LPIN3: variants seen among roughly 807,000 people sequenced by gnomAD.
LPIN3 encodes the protein lipin 3.
LPIN3 carries 82 observed loss-of-function variants against 94.7 expected under a neutral mutation model. That is an observed-to-expected ratio of 0.87 (90% CI 0.72 to 1.04). The LOEUF (loss-of-function observed/expected upper bound fraction) is 1.04, where lower values mean the gene tolerates loss of function less well. Among genes scored for constraint, LPIN3 ranks in the 50% least tolerant of loss-of-function variants. The pLI is 0.00. For missense variants in LPIN3, 996 were observed against 1,090.5 expected (o/e 0.91, Z 1.22); for synonymous variants, 418 against 443.3 (o/e 0.94, Z 0.72).
At chr20:41,349,280 T>C in intron 5 of LPIN3, 108 bp downstream of exon 5, 1 of 893,888 alleles carries the variant, frequency 1.1e-6, no homozygotes, top group Non-Finnish European at 1.7e-6. Flanking sequence ...ATGTGTTTAC[T>C]AGCCATTCGT....
chr20:41,348,922 G>T (rs1304709813), intron 4 of LPIN3, 35 bp downstream of exon 4: 1 of 1,590,662 alleles, frequency 6.3e-7, no homozygotes, highest in South Asian at 1.1e-5. Context: ...ACCCCAGTTT[G>T]GGGGTTCAAG....
At chr20:41,346,557 A>G (rs1338470045) in intron 2 of LPIN3, among the ~76,000 whole-genome samples, 1 of 152,194 alleles carries the variant, frequency 6.6e-6, no homozygotes. Flanking sequence ...CCTGGCCCAC[A>G]TGGTGAAACC....
intron 11 of LPIN3, among the ~76,000 whole-genome samples, 155 bp from the exon 12 acceptor site, chr20:41,354,490 G>A (rs752624904): frequency 2.0e-5 from 3 of 152,200 alleles, no homozygotes; most frequent in Non-Finnish European, 2.9e-5. Flanking sequence ...CCAGGATGGA[G>A]GTGAGCACAC....
Position 41,349,826 on chromosome 20 carries a change from C to G in LPIN3, c.691C>G (p.Arg231Gly). Residue 231 changes from arginine (R) to glycine (G), a missense_variant, in exon 6 of 20, where the codon CGG (arginine) becomes GGG (glycine). Transcript: ENST00000373257. The part of the protein sequence containing the change: ...SPKSDSELEV[R>G]TPEPSPLRAE... ...TAAGAGCGACTCGGAGCTGGAGGTG[C>G]GGACCCCGGAGCCCAGTCCCCTAAG... 1 of 1,613,626 alleles carries G rather than the reference C, an allele frequency of 6.2e-7. No individual in the cohort carries two copies. The highest frequency in any genetic ancestry group is 1.6e-4 in the Middle Eastern group (1 of 6,062).
intron 9 of LPIN3, 141 bp downstream of exon 9, chr20:41,352,361 C>A (rs2046052364): frequency 2.9e-6 from 3 of 1,029,304 alleles, no homozygotes; most frequent in African/African-American, 3.2e-5. Context: ...GCAGTCCACA[C>A]TCCGCCAGCA....
At position 41,358,906 on chromosome 20, in the gene LPIN3, G is replaced by T. The variant is rs751418981; in HGVS notation, c.*40G>T. 1.9e-6 allele frequency: 3 copies of T among 1,609,648 alleles called. No individual in the cohort carries two copies. The highest frequency in any genetic ancestry group is 2.5e-6 in the Non-Finnish European group (3 of 1,177,974). Reference sequence around the variant, plus strand: ...GCTCCTCCTCCCTGGCCCGGCCCAGGACTGGCTAGGTGTCCTGGGGTATAG... The same window carrying T: ...GCTCCTCCTCCCTGGCCCGGCCCAGTACTGGCTAGGTGTCCTGGGGTATAG... On this transcript the variant is annotated 3_prime_UTR_variant, in exon 20 of 20. Transcript: ENST00000373257.
Position 41,358,503 on chromosome 20 carries a change from G to C in LPIN3, c.2372G>C (p.Gly791Ala). The C allele has an allele frequency of 6.2e-7, 1 of 1,614,090 alleles. No homozygotes were observed. Among genetic ancestry groups the C allele is most frequent in the Non-Finnish European group, 8.5e-7 (1 of 1,180,014 alleles). The change falls in exon 19 of 20, where the codon GGA becomes GCA. Residue 791 changes from glycine (G) to alanine (A), a missense_variant. By Grantham distance (60) the Gly-to-Ala change is moderately conservative. Transcript: ENST00000373257. ...CGCATCTTCACAGTCAACCCCCGGG[G>C]AGAGCTCATCCAGGAGCTCATAAAG... ...ESRIFTVNPR[G>A]ELIQELIKNH...
Position 41,355,883 on chromosome 20 carries a change from G to C in LPIN3, c.1665-13G>C, listed in dbSNP as rs775194881. On this transcript the variant is annotated splice_polypyrimidine_tract_variant and intron_variant, in intron 13 of 19. Coordinates refer to ENST00000373257, the MANE Select transcript of LPIN3 (RefSeq NM_022896.3). The stretch of plus-strand genomic sequence containing the variant: ...GCTGGAGGAGATGGCCTGAGAGCCA[G>C]TGTGGTCCACAGGGAGAAGACAGAA... 1 of 1,613,788 alleles carries C rather than the reference G, an allele frequency of 6.2e-7. No homozygotes were observed. The highest frequency in any genetic ancestry group is 8.5e-7 in the Non-Finnish European group (1 of 1,179,762).
At position 41,355,891 on chromosome 20, in the gene LPIN3, CA is replaced by C; in HGVS notation, c.1665-4del. On this transcript the variant is annotated splice_region_variant and splice_polypyrimidine_tract_variant and intron_variant, in intron 13 of 19. Coordinates refer to ENST00000373257, the MANE Select transcript of LPIN3 (RefSeq NM_022896.3). The stretch of plus-strand genomic sequence containing the variant: ...AGATGGCCTGAGAGCCAGTGTGGTC[CA>C]CAGGGAGAAGACAGAAGTCCTGAGC... 3.1e-6 allele frequency: 5 copies of C among 1,613,926 alleles called. No individual in the cohort carries two copies. Among genetic ancestry groups the C allele is most frequent in the Non-Finnish European group, 4.2e-6 (5 of 1,179,898 alleles).
At chr20:41,353,492 G>A (rs1050423745) in intron 11 of LPIN3, among the ~76,000 whole-genome samples, 3 of 152,222 alleles carry the variant, frequency 2.0e-5, no homozygotes, top group Non-Finnish European at 4.4e-5. Context: ...TGGCAAGGGG[G>A]TTTGATAAGC....
In LPIN3 at chr20:41,351,938, GCC is replaced by G; in HGVS notation, c.1202+19_1202+20del. 6.2e-7 allele frequency: 1 copy of G among 1,613,954 alleles called. No individual in the cohort carries two copies. The highest frequency in any genetic ancestry group is 1.1e-5 in the South Asian group (1 of 91,080). On this transcript the variant is annotated intron_variant, in intron 8 of 19. Coordinates refer to ENST00000373257, the MANE Select transcript of LPIN3 (RefSeq NM_022896.3). ...CCCCAAAGGTGCCTGGGTTCTGGAT[GCC>G]AGGGTGTCTTGGGTCTGGGCTCCTG...
At position 41,350,349 on chromosome 20, in the gene LPIN3, G is replaced by T; in HGVS notation, c.1054G>T (p.Glu352Ter). Residue 352 changes from glutamate (E) to a stop codon, truncating the protein, a stop_gained, in exon 7 of 20, where the codon GAG (glutamate) becomes TAG (stop). Transcript: ENST00000373257. LOFTEE classifies it high-confidence loss of function. The part of the protein sequence containing the change: ...ASKSWSWATL[E>*]VPVPTGQPER... The stretch of plus-strand genomic sequence containing the variant: ...CAAGTCATGGAGCTGGGCCACTCTG[G>T]AGGTTCCAGTTCCCACCGGGCAGCC... 1 of 1,600,648 alleles carries T rather than the reference G, an allele frequency of 6.2e-7. No homozygotes were observed. The highest frequency in any genetic ancestry group is 8.5e-7 in the Non-Finnish European group (1 of 1,170,474).
At position 41,344,088 on chromosome 20, in the gene LPIN3, A is replaced by AGAAAG. The variant is rs772031332; in HGVS notation, c.-8-1704_-8-1703insGGAAA. ...AAAAAAAAAAAGAAAAGAAAAGAAAAGAAAAATATGCAGATGCTGATTCAG... is the reference window on the plus strand; with the variant it reads ...AAAAAAAAAAAGAAAAGAAAAGAAAAGAAAGGAAAAATATGCAGATGCTGATTCAG... On this transcript the variant is annotated intron_variant, in intron 1 of 19. Coordinates refer to ENST00000373257, the MANE Select transcript of LPIN3 (RefSeq NM_022896.3). 2.0e-4 allele frequency among the ~76,000 whole-genome samples: 30 copies of AGAAAG among 152,088 alleles called. 1 individual carries two copies. Among genetic ancestry groups the AGAAAG allele is most frequent in the East Asian group, 1.7e-3 (9 of 5,196 alleles).
rs34590949 is a variant in LPIN3 at position 41,359,113 on chromosome 20, T to C, written c.*247T>C. On this transcript the variant is annotated 3_prime_UTR_variant, in exon 20 of 20. Transcript: ENST00000373257. ...GGCAATTAGCTTGTCATCTGGGCCC[T>C]TGCAGGGTTCTTTTTTTTTTTTTTT... is the stretch of plus-strand genomic sequence containing the variant. 5.7e-5 allele frequency: 15 copies of C among 264,690 alleles called. No homozygotes were observed. The highest frequency in any genetic ancestry group is 9.1e-5 in the Non-Finnish European group (13 of 142,828). The allele number at this position is 264,690 out of a possible 1,614,324, so 16.4% of individuals were successfully genotyped here.
chr20:41,357,529 C>A, intron 16 of LPIN3, 82 bp downstream of exon 16: 1 of 1,224,016 alleles, frequency 8.2e-7, no homozygotes, highest in South Asian at 1.3e-5. Flanking sequence ...ATCTTGGGGA[C>A]CAGCAGGGCC....
Position 41,348,825 on chromosome 20 carries a change from A to G in LPIN3, c.495A>G (p.Glu165=). The G allele has an allele frequency of 6.2e-7, 1 of 1,611,254 alleles. No individual in the cohort carries two copies. Among genetic ancestry groups the G allele is most frequent in the Non-Finnish European group, 8.5e-7 (1 of 1,178,796 alleles). The change falls in exon 4 of 20, where the codon GAA becomes GAG. Residue 165 remains glutamate, a synonymous_variant. Coordinates refer to ENST00000373257, the MANE Select transcript of LPIN3 (RefSeq NM_022896.3). ...DAVATDSSPE[E]LEAGAESELS... is the part of the protein sequence containing the mutation. The stretch of plus-strand genomic sequence containing the variant: ...TGGCAACTGATTCTAGTCCAGAGGA[A>G]CTGGAGGCAGGCGCTGAGAGTGAGC...
At position 41,350,221 on chromosome 20, in the gene LPIN3, C is replaced by A; in HGVS notation, c.926C>A (p.Pro309His). Residue 309 changes from proline (P) to histidine (H), a missense_variant, in exon 7 of 20, where the codon CCT (proline) becomes CAT (histidine). By Grantham distance (77) the Pro-to-His change is moderately conservative. Coordinates refer to ENST00000373257, the MANE Select transcript of LPIN3 (RefSeq NM_022896.3). The part of the protein sequence containing the change: ...QQTEAGADLQ[P>H]DTEDPTLVGP... ...ACAGAGGCTGGTGCCGACCTTCAGC[C>A]TGACACAGAGGATCCCACTCTAGTG... 1 of 1,613,722 alleles carries A rather than the reference C, an allele frequency of 6.2e-7. No homozygotes were observed. Among genetic ancestry groups the A allele is most frequent in the Middle Eastern group, 1.6e-4 (1 of 6,062 alleles).
chr20:41,358,077 G>A, intron 17 of LPIN3, 43 bp downstream of exon 17: 1 of 1,570,594 alleles, frequency 6.4e-7, no homozygotes, highest in Non-Finnish European at 8.6e-7. Context: ...CCCTGGTGGG[G>A]AAAGGCAGGC....
Position 41,345,980 on chromosome 20 carries a change from G to A in LPIN3, c.177G>A (p.Arg59=). The A allele has an allele frequency of 6.2e-7, 1 of 1,613,646 alleles. No homozygotes were observed. Among genetic ancestry groups the A allele is most frequent in the Non-Finnish European group, 8.5e-7 (1 of 1,179,760 alleles). Residue 59 remains arginine (R), a synonymous_variant, in exon 2 of 20, where the codon CGG becomes CGA. Coordinates refer to ENST00000373257, the MANE Select transcript of LPIN3 (RefSeq NM_022896.3). ...HVRFGKLGVL[R]SREKVVDIEL... is the part of the protein sequence containing the mutation. ...GTTTTGGCAAGCTGGGCGTCCTGCG[G>A]TCGCGGGAGAAGGTGGTGAGTGCTC...
Sources: gnomAD v4.1 joint callset for allele counts (sites outside exome capture counted in the v4.1 genomes callset) on GRCh38, gnomAD v4.1.1 for gene constraint, MANE v1.5 for transcripts, NCBI Gene and HGNC (gene_info 2026-07-23, HGNC 2026-07-21) for gene names.